The following MYPN variants were observed in gnomAD, a reference collection of about 807,000 sequenced individuals.
MYPN encodes the protein sarcomeric protein myopalladin, 145 kDa (MYOP).
A neutral mutation model predicts 129.4 loss-of-function variants in MYPN; 63 were observed. That is an observed-to-expected ratio of 0.49 (90% confidence interval 0.40 to 0.60). The LOEUF (loss-of-function observed/expected upper bound fraction) is 0.60. Ranked by LOEUF, MYPN falls within the 20% of genes least tolerant of loss-of-function variation. MYPN has a pLI of 0.00. For synonymous variants in MYPN, 629 were observed against 600.9 expected (o/e 1.05, Z -0.68); for missense variants, 1,596 against 1,635.4 (o/e 0.98, Z 0.42).
At chr10:68,150,421 G>A (rs538049142) in intron 6 of MYPN, among the ~76,000 whole-genome samples, 16 of 152,074 alleles carry the variant, frequency 1.1e-4, no homozygotes, top group African/African-American at 3.9e-4. Context: ...TACTCCAAAG[G>A]TTTCTCTGAA....
rs1158109048 is a variant in MYPN at position 68,121,661 on chromosome 10, A to G, written c.223A>G (p.Ser75Gly). ...TCTGAGCCAAGAAGAATTAGACGAA[A>G]GTGTCAATTTGGCAAGACTGGCCAT... ...AFLSQEELDE[S>G]VNLARLAINY... is the part of the protein sequence containing the mutation. The change falls in exon 2 of 20, where the codon AGT becomes GGT. Residue 75 changes from serine (S) to glycine (G), a missense_variant. By Grantham distance (56) the Ser-to-Gly change is moderately conservative. Coordinates refer to ENST00000358913, the MANE Select transcript of MYPN (RefSeq NM_032578.4). The G allele has an allele frequency of 1.2e-6, 2 of 1,614,232 alleles. No individual in the cohort carries two copies. The highest frequency in any genetic ancestry group is 1.7e-6 in the Non-Finnish European group (2 of 1,180,036).
rs1279495838 is a variant in MYPN, at chr10:68,158,513, G to T, written c.1345G>T (p.Gly449Cys). The change falls in exon 7 of 20, where the codon GGT becomes TGT. Residue 449 changes from glycine to cysteine, a missense_variant. Transcript: ENST00000358913. The stretch of plus-strand genomic sequence containing the variant: ...GCTACAAAATTTGTCAGCTTCTGAG[G>T]GTCAGCTGGTTGTCTTTGAATGCAG... ...KMLQNLSASE[G>C]QLVVFECRVK... The T allele has an allele frequency of 4.3e-6, 7 of 1,613,938 alleles. No homozygotes were observed. The highest frequency in any genetic ancestry group is 1.6e-4 in the Middle Eastern group (1 of 6,062).
chr10:68,094,152 G>A (rs2041944261), intron 1 of MYPN, among the ~76,000 whole-genome samples: 1 of 151,988 alleles, frequency 6.6e-6, no homozygotes, highest in African/African-American at 2.4e-5. Context: ...GTATCTTTAC[G>A]ATCTATATCT....
intron 2 of MYPN, chr10:68,135,609 A>G (rs1282745005): frequency 6.4e-6 from 3 of 465,742 alleles, no homozygotes; most frequent in African/African-American, 6.4e-5. Context: ...GGCAAAGACA[A>G]TTAAAGGAAA....
At chr10:68,181,599 C>T (rs1253408564) in intron 12 of MYPN, among the ~76,000 whole-genome samples, 1 of 152,066 alleles carries the variant, frequency 6.6e-6, no homozygotes, top group African/African-American at 2.4e-5. Context: ...CTAACTTCTG[C>T]TCCTGATTCC....
At chr10:68,162,642 T>C (rs1486243408) in intron 8 of MYPN, among the ~76,000 whole-genome samples, 1 of 152,220 alleles carries the variant, frequency 6.6e-6, no homozygotes, top group East Asian at 1.9e-4. Flanking sequence ...AGAAAGCTGG[T>C]TTGTGATCTC....
At chr10:68,164,057 C>T (rs112382717) in intron 8 of MYPN, among the ~76,000 whole-genome samples, 4,052 of 152,266 alleles carry the variant, frequency 0.027, 84 homozygotes, top group Non-Finnish European at 0.042. Context: ...AGGGTTCTAT[C>T]AACAAGGAGG....
At chr10:68,101,180 T>C (rs1478052298), upstream of MYPN, among the ~76,000 whole-genome samples, 1 of 152,052 alleles carries the variant, frequency 6.6e-6, no homozygotes, top group Non-Finnish European at 1.5e-5. Flanking sequence ...AAATAATACA[T>C]AAATACGTAA....
intron 6 of MYPN, among the ~76,000 whole-genome samples, chr10:68,155,588 C>T (rs766645139): frequency 1.3e-5 from 2 of 152,210 alleles, no homozygotes; most frequent in Non-Finnish European, 2.9e-5. Flanking sequence ...AGTCTGTACA[C>T]CCCATGCCAT....
intron 12 of MYPN, among the ~76,000 whole-genome samples, chr10:68,182,956 T>C (rs2043362215): frequency 3.3e-5 from 5 of 152,226 alleles, no homozygotes; most frequent in Admixed American, 3.3e-4. Flanking sequence ...TTTCATCATA[T>C]TGCTTCTGTA....
intron 1 of MYPN, among the ~76,000 whole-genome samples, chr10:68,095,756 G>A (rs2041953568): frequency 1.8e-5 from 2 of 109,032 alleles, no homozygotes; most frequent in Non-Finnish European, 3.4e-5. Flanking sequence ...CAGCAGTTGG[G>A]GGAAGAGGGG....
rs780678720 is a variant in MYPN at position 68,189,032 on chromosome 10, C to T, written c.2831C>T (p.Ala944Val). ...GAGATCCCCACGGGCAAGTGTATTGCTCCCATCTTTGACAAGAGACTCAAG... is the reference window on the plus strand; with the variant it reads ...GAGATCCCCACGGGCAAGTGTATTGTTCCCATCTTTGACAAGAGACTCAAG... Reference protein sequence around the residue: ...HDEIPTGKCIAPIFDKRLKHF... With the variant: ...HDEIPTGKCIVPIFDKRLKHF... Residue 944 changes from alanine (A) to valine (V), a missense_variant, in exon 13 of 20, where the codon GCT becomes GTT. Ala to Val is a moderately conservative substitution (Grantham distance 64). Transcript: ENST00000358913. The T allele has an allele frequency of 1.2e-6, 2 of 1,614,002 alleles. No homozygotes were observed. The highest frequency in any genetic ancestry group is 1.7e-6 in the Non-Finnish European group (2 of 1,180,014).
intron 10 of MYPN, among the ~76,000 whole-genome samples, chr10:68,170,583 A>T (rs1283482312): frequency 6.6e-6 from 1 of 152,108 alleles, no homozygotes; most frequent in Non-Finnish European, 1.5e-5. Flanking sequence ...TCAATTTGCT[A>T]TTCATATGGA....
intron 18 of MYPN, among the ~76,000 whole-genome samples, chr10:68,202,616 CT>C (rs2134315108): frequency 6.6e-6 from 1 of 152,246 alleles, no homozygotes; most frequent in Admixed American, 6.5e-5. Flanking sequence ...TTAAAGTAAG[CT>C]TAAGGATCCA....
intron 18 of MYPN, among the ~76,000 whole-genome samples, chr10:68,204,871 C>T (rs1008741820): frequency 1.3e-5 from 2 of 151,950 alleles, no homozygotes; most frequent in African/African-American, 4.8e-5. Flanking sequence ...TCTTCCTAGT[C>T]CCCCCACTTG....
intron 13 of MYPN, among the ~76,000 whole-genome samples, chr10:68,193,330 T>C (rs1436820227): frequency 2.6e-5 from 4 of 152,180 alleles, no homozygotes; most frequent in African/African-American, 7.2e-5. Context: ...ATCAGACTTA[T>C]GGGTAAGTTC....
intron 2 of MYPN, chr10:68,136,220 TA>T: frequency 1.0e-6 from 1 of 986,214 alleles, no homozygotes; most frequent in Non-Finnish European, 1.2e-6. Context: ...GCTTGCTAGC[TA>T]GCCAAATGAG....
chr10:68,191,618 A>G (rs2043514926), intron 13 of MYPN, among the ~76,000 whole-genome samples: 1 of 152,176 alleles, frequency 6.6e-6, no homozygotes. Context: ...AACAATGTTA[A>G]TTCTTCCAAT....
intron 10 of MYPN, among the ~76,000 whole-genome samples, chr10:68,169,362 TA>T (rs34539408): frequency 0.45 from 57,528 of 127,102 alleles, 13,106 homozygotes; most frequent in Non-Finnish European, 0.54. Context: ...CGTCTCAAAT[TA>T]AAAAAAAAAA....
Sources: gnomAD v4.1 joint callset for allele counts (sites outside exome capture counted in the v4.1 genomes callset) on GRCh38, gnomAD v4.1.1 for gene constraint, MANE v1.5 for transcripts, NCBI Gene and HGNC (gene_info 2026-07-23, HGNC 2026-07-21) for gene names.